RNF220: variants seen among roughly 807,000 people sequenced by gnomAD.
RNF220 encodes E3 ubiquitin-protein ligase RNF220.
RNF220 carries 7 observed loss-of-function variants against 67.1 expected under a neutral mutation model. The observed-to-expected ratio is 0.10, with a 90% CI of 0.06 to 0.20. The LOEUF is 0.20. Among genes scored for constraint, RNF220 ranks in the 10% least tolerant of loss-of-function variants. RNF220 has a pLI of 1.00. For synonymous variants in RNF220, 270 were observed against 283.2 expected (o/e 0.95, Z 0.47); for missense variants, 565 against 740.3 (o/e 0.76, Z 2.75).
intron 2 of RNF220, among the ~76,000 whole-genome samples, chr1:44,526,703 T>C (rs1660405391): frequency 6.6e-6 from 1 of 152,124 alleles, no homozygotes. Context: ...CCCCTTTAAA[T>C]CTTCTTTTAA....
At chr1:44,607,989 T>A (rs1322376344) in intron 2 of RNF220, among the ~76,000 whole-genome samples, 1 of 150,094 alleles carries the variant, frequency 6.7e-6, no homozygotes, top group Non-Finnish European at 1.5e-5. Context: ...AGTGGTGCGA[T>A]CATAGCTCAC....
intron 2 of RNF220, among the ~76,000 whole-genome samples, chr1:44,443,589 G>A (rs1651777721): frequency 6.6e-6 from 1 of 152,130 alleles, no homozygotes; most frequent in African/African-American, 2.4e-5. Flanking sequence ...CCCGTTCCAG[G>A]CTCTTTTCTC....
At position 44,405,418 on chromosome 1, in the gene RNF220, C is replaced by T. The variant is rs1647244917; in HGVS notation, c.-230C>T. 151 of 607,922 alleles carry T rather than the reference C, an allele frequency of 2.5e-4. No individual in the cohort carries two copies. The highest frequency in any genetic ancestry group is 4.1e-4 in the South Asian group (23 of 56,434). 37.7% of individuals were successfully genotyped at this position (607,922 alleles called of 1,614,324 possible). ...CTGCCGCTGCCGCCGCCGCCGCCGC[C>T]GCTGCCTCCGCCGGCTCTGCGAACC... is the stretch of plus-strand genomic sequence containing the variant. On this transcript the variant is annotated 5_prime_UTR_variant, in exon 1 of 15. Transcript: ENST00000361799.
intron 2 of RNF220, among the ~76,000 whole-genome samples, chr1:44,528,591 C>T (rs1438761773): frequency 5.4e-5 from 8 of 149,334 alleles, no homozygotes; most frequent in Admixed American, 2.7e-4. Context: ...TAAGCCACTG[C>T]GCCCGGCCCT....
At chr1:44,577,546 T>C (rs1219658464) in intron 2 of RNF220, among the ~76,000 whole-genome samples, 2 of 152,238 alleles carry the variant, frequency 1.3e-5, no homozygotes, top group African/African-American at 2.4e-5. Flanking sequence ...CTCTGTGTTC[T>C]CAACACTTGA....
intron 1 of RNF220, among the ~76,000 whole-genome samples, chr1:44,408,340 G>A (rs1047708076): frequency 2.6e-5 from 4 of 152,144 alleles, no homozygotes; most frequent in East Asian, 3.9e-4. Flanking sequence ...GACCATACCC[G>A]GCCATGCCTG....
chr1:44,499,409 C>T (rs1466397899), intron 2 of RNF220, among the ~76,000 whole-genome samples: 8 of 152,136 alleles, frequency 5.3e-5, no homozygotes, highest in East Asian at 1.9e-4. Flanking sequence ...CTAGTGACCT[C>T]CCTATTGCCA....
chr1:44,647,709 C>T (rs775277078), intron 12 of RNF220, among the ~76,000 whole-genome samples: 43 of 152,172 alleles, frequency 2.8e-4, no homozygotes, highest in Non-Finnish European at 4.4e-5. Context: ...GACCACTACC[C>T]TCCCTGCACT....
chr1:44,490,520 A>C (rs1199598897), intron 2 of RNF220, among the ~76,000 whole-genome samples: 3 of 152,002 alleles, frequency 2.0e-5, no homozygotes, highest in Admixed American at 6.6e-5. Context: ...GAGGAATCAC[A>C]ATAGAAATTG....
intron 2 of RNF220, among the ~76,000 whole-genome samples, chr1:44,597,478 A>ATG (rs1666593004): frequency 5.4e-5 from 2 of 37,022 alleles, no homozygotes; most frequent in Non-Finnish European, 1.4e-4. Flanking sequence ...GCACACACAC[A>ATG]CACACACACA....
intron 1 of RNF220, among the ~76,000 whole-genome samples, chr1:44,407,440 G>A (rs1647462555): frequency 6.6e-6 from 1 of 152,184 alleles, no homozygotes; most frequent in African/African-American, 2.4e-5. Context: ...AAGGCAGAAA[G>A]AGCGTCGAGG....
chr1:44,613,684 C>T (rs1392283185), intron 2 of RNF220, among the ~76,000 whole-genome samples: 1 of 152,184 alleles, frequency 6.6e-6, no homozygotes, highest in Non-Finnish European at 1.5e-5. Context: ...TGAGACCAGC[C>T]TGACCAACAA....
intron 8 of RNF220, among the ~76,000 whole-genome samples, chr1:44,637,998 G>A (rs944724314): frequency 2.5e-4 from 38 of 152,376 alleles, no homozygotes; most frequent in African/African-American, 8.9e-4. Flanking sequence ...GGGGCCACGA[G>A]GCAGAGAGCG....
chr1:44,590,745 C>G (rs991068244), intron 2 of RNF220, among the ~76,000 whole-genome samples: 4 of 152,174 alleles, frequency 2.6e-5, no homozygotes, highest in Non-Finnish European at 5.9e-5. Flanking sequence ...CTAATTCATT[C>G]ATTTGATGTC....
intron 2 of RNF220, among the ~76,000 whole-genome samples, chr1:44,479,662 C>A (rs753390932): frequency 6.6e-6 from 1 of 152,158 alleles, no homozygotes; most frequent in African/African-American, 2.4e-5. Flanking sequence ...ATCGTTCTTG[C>A]CGCACTCTGG....
chr1:44,647,840 C>T (rs942981384), intron 12 of RNF220, among the ~76,000 whole-genome samples: 45 of 152,268 alleles, frequency 3.0e-4, no homozygotes, highest in African/African-American at 1.0e-3. Context: ...GCCCAAAGTC[C>T]ACGTCCCTTA....
At chr1:44,585,408 C>G (rs1195730709) in intron 2 of RNF220, among the ~76,000 whole-genome samples, 3 of 152,204 alleles carry the variant, frequency 2.0e-5, no homozygotes, top group Non-Finnish European at 4.4e-5. Flanking sequence ...TCTCCTCCCT[C>G]CAACTTCTGG....
intron 2 of RNF220, among the ~76,000 whole-genome samples, chr1:44,471,599 G>T (rs1023062853): frequency 1.8e-4 from 27 of 152,020 alleles, no homozygotes; most frequent in African/African-American, 5.8e-4. Flanking sequence ...TGAGGTGGGC[G>T]GATCACCTGA....
chr1:44,432,550 G>T (rs188850553), intron 2 of RNF220, among the ~76,000 whole-genome samples: 1 of 149,812 alleles, frequency 6.7e-6, no homozygotes, highest in African/African-American at 2.5e-5. Flanking sequence ...GATTACAAAC[G>T]TGAGCCACCA....
Sources: gnomAD v4.1 joint callset for allele counts (sites outside exome capture counted in the v4.1 genomes callset) on GRCh38, gnomAD v4.1.1 for gene constraint, MANE v1.5 for transcripts, NCBI Gene and HGNC (gene_info 2026-07-23, HGNC 2026-07-21) for gene names.